EVI5: variants seen among roughly 807,000 people sequenced by gnomAD.
The protein encoded by EVI5 is ecotropic viral integration site 5 protein homolog.
EVI5 carries 73 observed loss-of-function variants against 112.0 expected under a neutral mutation model. The observed-to-expected ratio is 0.65, with a 90% confidence interval of 0.54 to 0.79. The LOEUF (loss-of-function observed/expected upper bound fraction) is 0.79. EVI5 is among the 30% of genes least tolerant of loss of function. The pLI is 0.00. For synonymous variants in EVI5, 305 were observed against 319.9 expected, an observed-to-expected ratio of 0.95 and a Z score of 0.50; for missense variants, 900 against 968.8, an observed-to-expected ratio of 0.93 and a Z score of 0.94.
At chr1:92,595,287 C>T (rs1647419011) in intron 18 of EVI5, among the ~76,000 whole-genome samples, 1 of 151,276 alleles carries the variant, frequency 6.6e-6, no homozygotes, top group Non-Finnish European at 1.5e-5. Flanking sequence ...AAGCTGGAAA[C>T]CATCATTCTC....
rs1216548984 is a variant in EVI5, at chr1:92,509,538, G to C, written c.*4118C>G. On this transcript the variant is annotated 3_prime_UTR_variant, in exon 20 of 20. Coordinates refer to ENST00000684568, the MANE Select transcript of EVI5 (RefSeq NM_001350197.2). ...GACAGGGTCTTGCCATGTTGCCCAGGTTGGAGTGCAGTGGTTATTCTTTCA... is the reference window on the plus strand; with the variant it reads ...GACAGGGTCTTGCCATGTTGCCCAGCTTGGAGTGCAGTGGTTATTCTTTCA... 2 of 151,718 alleles carry C rather than the reference G, an allele frequency of 1.3e-5. No individual in the cohort carries two copies. Among genetic ancestry groups the C allele is most frequent in the African/African-American group, 4.9e-5 (2 of 41,226 alleles). 9.4% of individuals were successfully genotyped at this position (151,718 alleles called of 1,614,324 possible).
chr1:92,593,934 T>C (rs1437721410), intron 18 of EVI5, among the ~76,000 whole-genome samples: 1 of 152,176 alleles, frequency 6.6e-6, no homozygotes, highest in Admixed American at 6.5e-5. Flanking sequence ...CACAAACAAA[T>C]GGAAAAACAT....
rs1187587560 is a variant in EVI5, at chr1:92,697,875, A to C, written c.750T>G (p.Phe250Leu). The change falls in exon 6 of 20, where the codon TTT becomes TTG. Residue 250 changes from phenylalanine (F) to leucine (L), a missense_variant. Physicochemically the swap from Phe to Leu is conservative, Grantham distance 22. Transcript: ENST00000684568. Reference protein sequence around the residue: ...MAELGLCMYQFECMIQEHLPE... With the variant: ...MAELGLCMYQLECMIQEHLPE... ...GCACTTTTACCTGTATCATACATTC[A>C]AACTGGTACATACAAAGGCCCAATT... The C allele has an allele frequency of 1.9e-6, 3 of 1,612,844 alleles. No homozygotes were observed. Among genetic ancestry groups the C allele is most frequent in the Admixed American group, 1.7e-5 (1 of 60,008 alleles).
At chr1:92,767,481 A>G (rs949368594) in intron 1 of EVI5, among the ~76,000 whole-genome samples, 1 of 152,248 alleles carries the variant, frequency 6.6e-6, no homozygotes, top group African/African-American at 2.4e-5. Flanking sequence ...ATAAGGGGGA[A>G]CTACTATATA....
intron 12 of EVI5, 92 bp from the exon 13 acceptor site, chr1:92,662,957 TA>T (rs11411366): frequency 0.03 from 9,193 of 303,272 alleles, 116 homozygotes; most frequent in African/African-American, 0.074. Flanking sequence ...TTTGACATGT[TA>T]AAAAAAAAAA....
chr1:92,608,556 TAGTC>T (rs1347189972), intron 16 of EVI5, among the ~76,000 whole-genome samples: 1 of 151,916 alleles, frequency 6.6e-6, no homozygotes, highest in Non-Finnish European at 1.5e-5. Context: ...ATACAAAAAT[TAGTC>T]AGGCATGGTG....
intron 16 of EVI5, among the ~76,000 whole-genome samples, chr1:92,623,009 T>G (rs1654914648): frequency 6.6e-6 from 1 of 152,216 alleles, no homozygotes. Context: ...CTCAAAATCA[T>G]GTCTACTGGA....
chr1:92,754,947 A>G (rs1167299495), intron 1 of EVI5, among the ~76,000 whole-genome samples: 2 of 152,152 alleles, frequency 1.3e-5, no homozygotes, highest in East Asian at 3.9e-4. Context: ...GGGCATGTTT[A>G]TATGATATAC....
At chr1:92,743,932 T>A (rs1570718829) in intron 1 of EVI5, among the ~76,000 whole-genome samples, 1 of 152,212 alleles carries the variant, frequency 6.6e-6, no homozygotes. Flanking sequence ...TTCCCTAAAG[T>A]AGAAGCTTAA....
chr1:92,528,932 C>A (rs1298559079), intron 19 of EVI5, among the ~76,000 whole-genome samples: 4 of 152,106 alleles, frequency 2.6e-5, no homozygotes, highest in Non-Finnish European at 5.9e-5. Flanking sequence ...CTGTACATAT[C>A]TCATACTTCA....
chr1:92,780,071 TAAATGAATC>T (rs1192545406), intron 1 of EVI5, among the ~76,000 whole-genome samples: 1 of 152,192 alleles, frequency 6.6e-6, no homozygotes, highest in Non-Finnish European at 1.5e-5. Flanking sequence ...CAGGTGGAGA[TAAATGAATC>T]AAAGGGGCAA....
At chr1:92,766,819 A>G (rs374645825) in intron 1 of EVI5, among the ~76,000 whole-genome samples, 14 of 152,166 alleles carry the variant, frequency 9.2e-5, no homozygotes, top group African/African-American at 3.4e-4. Context: ...CAGTGATTCA[A>G]GCCTATAATC....
intron 10 of EVI5, among the ~76,000 whole-genome samples, chr1:92,669,761 G>A (rs1665547963): frequency 6.6e-6 from 1 of 151,522 alleles, no homozygotes; most frequent in Non-Finnish European, 1.5e-5. Flanking sequence ...GTTTATTGAC[G>A]ATACATAGAA....
intron 10 of EVI5, among the ~76,000 whole-genome samples, chr1:92,674,830 A>G (rs1034600809): frequency 6.6e-6 from 1 of 152,162 alleles, no homozygotes; most frequent in Non-Finnish European, 1.5e-5. Context: ...ATGGTATAAG[A>G]AAGAACTACA....
chr1:92,620,789 C>T (rs1654377674), intron 16 of EVI5, among the ~76,000 whole-genome samples: 1 of 152,036 alleles, frequency 6.6e-6, no homozygotes. Context: ...CATGGATCTG[C>T]ACAAAGAAAG....
chr1:92,721,217 T>C (rs1043298342), intron 2 of EVI5, among the ~76,000 whole-genome samples: 20 of 152,114 alleles, frequency 1.3e-4, no homozygotes, highest in African/African-American at 4.3e-4. Flanking sequence ...ACTATAAAGA[T>C]ACATGCACAC....
chr1:92,718,039 A>G (rs1674072796), intron 2 of EVI5, among the ~76,000 whole-genome samples: 2 of 152,254 alleles, frequency 1.3e-5, no homozygotes, highest in Admixed American at 6.5e-5. Context: ...ACCCAGATTC[A>G]AAAAGCAAGT....
chr1:92,684,616 TAA>T (rs1241282691), intron 9 of EVI5, among the ~76,000 whole-genome samples: 1 of 151,774 alleles, frequency 6.6e-6, no homozygotes, highest in Admixed American at 6.6e-5. Context: ...GCAAATTAGA[TAA>T]AGAGTCAAGA....
chr1:92,711,216 T>C (rs566413881), intron 2 of EVI5, among the ~76,000 whole-genome samples: 2 of 152,302 alleles, frequency 1.3e-5, no homozygotes, highest in Admixed American at 6.5e-5. Flanking sequence ...AAAATCCATG[T>C]AGACAATAAG....
Sources: gnomAD v4.1 joint callset for allele counts (sites outside exome capture counted in the v4.1 genomes callset) on GRCh38, gnomAD v4.1.1 for gene constraint, MANE v1.5 for transcripts, NCBI Gene and HGNC (gene_info 2026-07-23, HGNC 2026-07-21) for gene names.